Variants in TMEM132B observed in about 807,000 individuals in gnomAD.
The protein encoded by TMEM132B is transmembrane protein 132B.
A neutral mutation model predicts 90.8 loss-of-function variants in TMEM132B; 18 were observed. The ratio of observed to expected loss-of-function variants is 0.20; its 90% confidence interval spans 0.14 to 0.29. The LOEUF is 0.29. Ranked by LOEUF, TMEM132B falls within the 10% of genes least tolerant of loss-of-function variation. The pLI, the probability that TMEM132B is intolerant of heterozygous loss-of-function variation, is 1.00. For synonymous variants in TMEM132B, 504 were observed against 523.3 expected, an observed-to-expected ratio of 0.96 and a Z score of 0.50; for missense variants, 1,096 against 1,326.8, an observed-to-expected ratio of 0.83 and a Z score of 2.70.
At chr12:125,648,948 A>G (rs1886836842) in intron 6 of TMEM132B, among the ~76,000 whole-genome samples, 1 of 152,218 alleles carries the variant, frequency 6.6e-6, no homozygotes, top group Non-Finnish European at 1.5e-5. Context: ...GTTAGTTCCG[A>G]GAAGCTTTAA....
chr12:125,630,244 T>C (rs2136993042), intron 5 of TMEM132B, among the ~76,000 whole-genome samples: 1 of 152,188 alleles, frequency 6.6e-6, no homozygotes, highest in Non-Finnish European at 1.5e-5. Flanking sequence ...TTGGTATAAT[T>C]TAGCAATAAA....
chr12:125,374,541 G>C (rs1878416959), intron 2 of TMEM132B, among the ~76,000 whole-genome samples: 1 of 152,026 alleles, frequency 6.6e-6, no homozygotes, highest in Non-Finnish European at 1.5e-5. Flanking sequence ...AAACGGTGAG[G>C]CTCACAGAGA....
At chr12:125,530,216 C>T (rs1300681063) in intron 4 of TMEM132B, among the ~76,000 whole-genome samples, 1 of 151,262 alleles carries the variant, frequency 6.6e-6, no homozygotes, top group African/African-American at 2.4e-5. Flanking sequence ...TTATATTCTG[C>T]AGTAGGTTAT....
intron 5 of TMEM132B, among the ~76,000 whole-genome samples, chr12:125,607,929 A>G (rs972029205): frequency 6.6e-6 from 1 of 152,246 alleles, no homozygotes; most frequent in African/African-American, 2.4e-5. Flanking sequence ...AGTAGCAAGT[A>G]TCAGTTTATT....
chr12:125,493,342 CT>C (rs1593172935), intron 3 of TMEM132B, among the ~76,000 whole-genome samples: 1 of 152,168 alleles, frequency 6.6e-6, no homozygotes, highest in Non-Finnish European at 1.5e-5. Flanking sequence ...TCCCAGGAAT[CT>C]TCTTGTGGCC....
intron 1 of TMEM132B, among the ~76,000 whole-genome samples, chr12:125,321,737 C>G (rs1472524365): frequency 6.6e-6 from 1 of 152,076 alleles, no homozygotes; most frequent in Non-Finnish European, 1.5e-5. Flanking sequence ...CTTGGCCTCT[C>G]AAAGTGTTGG....
chr12:125,403,524 C>T (rs543768328), intron 2 of TMEM132B, among the ~76,000 whole-genome samples: 2 of 152,292 alleles, frequency 1.3e-5, no homozygotes, highest in East Asian at 1.9e-4. Flanking sequence ...AAGAATATCA[C>T]CAAGCCTAAA....
At chr12:125,413,417 A>G (rs1366687989) in intron 2 of TMEM132B, among the ~76,000 whole-genome samples, 1 of 152,054 alleles carries the variant, frequency 6.6e-6, no homozygotes, top group Non-Finnish European at 1.5e-5. Context: ...TTGGACCACC[A>G]TCTTTGTTTA....
intron 5 of TMEM132B, among the ~76,000 whole-genome samples, chr12:125,627,927 T>G (rs2136986943): frequency 6.6e-6 from 1 of 152,342 alleles, no homozygotes; most frequent in East Asian, 1.9e-4. Flanking sequence ...TGTCTTTCTG[T>G]GCCTAGCTTA....
At position 125,646,035 on chromosome 12, in the gene TMEM132B, C is replaced by A. The variant is rs564228670; in HGVS notation, c.1643+1754C>A. ...CATGAGGATCATTGTAGAGAAATCC[C>A]AAGTCACCTTACAGAAAGCCGAGAT... is the stretch of plus-strand genomic sequence containing the variant. On this transcript the variant is annotated intron_variant, in intron 6 of 8. Transcript: ENST00000682704. Among the ~76,000 whole-genome samples, 205 of 152,250 alleles carry A rather than the reference C, an allele frequency of 1.3e-3. 1 individual carries two copies. Among genetic ancestry groups the A allele is most frequent in the African/African-American group, 4.5e-3 (187 of 41,530 alleles).
chr12:125,576,442 T>C (rs1016719769), intron 4 of TMEM132B, among the ~76,000 whole-genome samples: 2 of 151,950 alleles, frequency 1.3e-5, no homozygotes, highest in Admixed American at 6.6e-5. Context: ...CATTTCCAGT[T>C]TGGATTCATT....
chr12:125,513,013 C>T (rs1883021115), intron 3 of TMEM132B, among the ~76,000 whole-genome samples: 1 of 152,144 alleles, frequency 6.6e-6, no homozygotes, highest in Non-Finnish European at 1.5e-5. Flanking sequence ...GATGAGGGGA[C>T]CCCACGCAGT....
At chr12:125,512,359 A>T (rs1326713245) in intron 3 of TMEM132B, among the ~76,000 whole-genome samples, 1 of 152,222 alleles carries the variant, frequency 6.6e-6, no homozygotes, top group African/African-American at 2.4e-5. Flanking sequence ...AAATATCGCC[A>T]GCTGATTCGA....
chr12:125,517,345 T>G (rs1355576694), intron 3 of TMEM132B, among the ~76,000 whole-genome samples: 14,484 of 68,938 alleles, frequency 0.21, 3,029 homozygotes, highest in African/African-American at 0.48. Context: ...TTTTTTTTTT[T>G]TTTTTTTTTT....
At chr12:125,335,746 G>A (rs1294583317) in intron 1 of TMEM132B, among the ~76,000 whole-genome samples, 1 of 152,132 alleles carries the variant, frequency 6.6e-6, no homozygotes, top group Non-Finnish European at 1.5e-5. Context: ...CAGCACTTTG[G>A]GCAGCTGAGG....
chr12:125,622,656 G>T (rs1383906348), intron 5 of TMEM132B: 2 of 985,248 alleles, frequency 2.0e-6, no homozygotes, highest in Non-Finnish European at 2.4e-6. Context: ...GCCTTCTCTG[G>T]GTAGCACTGA....
chr12:125,290,410 A>G (rs1875505129), intron 1 of TMEM132B, among the ~76,000 whole-genome samples: 1 of 152,216 alleles, frequency 6.6e-6, no homozygotes, highest in East Asian at 1.9e-4. Flanking sequence ...ATGCTCCTGT[A>G]GACTCCTCCC....
At position 125,515,539 on chromosome 12, in the gene TMEM132B, TCACA is replaced by T. The variant is rs560956277; in HGVS notation, c.1107-3895_1107-3892del. Among the ~76,000 whole-genome samples the T allele has an allele frequency of 1.2e-4, 17 of 147,234 alleles. No homozygotes were observed. The South Asian group carries it at 3.7e-3, about 32-fold the overall frequency. ...CACACCCCTTCACACATTCTCACGC[TCACA>T]CACATTCATTCAGTCTGTCTCCCAC... On this transcript the variant is annotated intron_variant, in intron 3 of 8. Coordinates refer to ENST00000682704, the MANE Select transcript of TMEM132B (RefSeq NM_001366854.1).
At chr12:125,552,937 T>C in intron 4 of TMEM132B, among the ~76,000 whole-genome samples, 1 of 152,240 alleles carries the variant, frequency 6.6e-6, no homozygotes, top group East Asian at 1.9e-4. Context: ...TTGAGTGGCC[T>C]CCCAGCCTAA....
Sources: allele counts gnomAD v4.1 joint callset (sites outside exome capture counted in the v4.1 genomes callset), GRCh38; gene constraint gnomAD v4.1.1; transcripts MANE v1.5; gene names NCBI Gene and HGNC (gene_info 2026-07-23, HGNC 2026-07-21).